Variants in OTUD7B observed in about 807,000 individuals in gnomAD.
The protein encoded by OTUD7B is OTU deubiquitinase 7B.
OTUD7B carries 34 observed loss-of-function variants against 82.2 expected under a neutral mutation model. That is an observed-to-expected ratio of 0.41 (90% confidence interval 0.31 to 0.55). The LOEUF is 0.55. Among genes scored for constraint, OTUD7B ranks in the 20% least tolerant of loss-of-function variants. The pLI, the probability that OTUD7B is intolerant of heterozygous loss-of-function variation, is 0.20. For synonymous variants in OTUD7B, 398 were observed against 402.7 expected (o/e 0.99, Z 0.14); for missense variants, 944 against 1,062.1 (o/e 0.89, Z 1.55).
intron 9 of OTUD7B, 40 bp downstream of exon 9, chr1:149,949,589 A>C: frequency 1.3e-6 from 2 of 1,594,514 alleles, no homozygotes; most frequent in Non-Finnish European, 1.7e-6. Flanking sequence ...AATTTTTTCA[A>C]GTGAAAATAA....
the OTUD7B span, among the ~76,000 whole-genome samples, chr1:150,024,294 AAGGTAAC>A: frequency 6.6e-6 from 1 of 152,190 alleles, no homozygotes; most frequent in Non-Finnish European, 1.5e-5. Flanking sequence ...TAATAATGTC[AAGGTAAC>A]AGTTTTTCTG....
rs1553776916 is a variant in OTUD7B at position 149,967,533 on chromosome 1, A to G, written c.275-12T>C. On this transcript the variant is annotated splice_polypyrimidine_tract_variant and intron_variant, in intron 3 of 11. Coordinates refer to ENST00000581312, the MANE Select transcript of OTUD7B (RefSeq NM_020205.4). Reference sequence around the variant, plus strand: ...AGACAGGCGTTTTTCTGCAATGAGAAATGGAGTCACCTTAGAACATACACA... The same window carrying G: ...AGACAGGCGTTTTTCTGCAATGAGAGATGGAGTCACCTTAGAACATACACA... 1 of 1,579,546 alleles carries G rather than the reference A, an allele frequency of 6.3e-7. No individual in the cohort carries two copies. The highest frequency in any genetic ancestry group is 2.2e-5 in the East Asian group (1 of 44,618).
At chr1:150,027,900 C>T in the OTUD7B span, among the ~76,000 whole-genome samples, 1 of 151,944 alleles carries the variant, frequency 6.6e-6, no homozygotes, top group East Asian at 1.9e-4. Flanking sequence ...ATTAATTAGT[C>T]AAGACCATAT....
the OTUD7B span, among the ~76,000 whole-genome samples, chr1:150,056,674 C>T: frequency 2.6e-5 from 4 of 152,110 alleles, no homozygotes; most frequent in Non-Finnish European, 5.9e-5. Flanking sequence ...CACTCTTAAC[C>T]TCTATATTAT....
chr1:150,042,133 CCCT>C, the OTUD7B span, among the ~76,000 whole-genome samples: 4 of 91,826 alleles, frequency 4.4e-5, no homozygotes, highest in African/African-American at 1.7e-4. Flanking sequence ...CTCCCTCCCT[CCCT>C]CCCTCCCTTC....
chr1:149,953,542 G>T (rs1350846760), intron 7 of OTUD7B, among the ~76,000 whole-genome samples: 1 of 152,066 alleles, frequency 6.6e-6, no homozygotes, highest in Non-Finnish European at 1.5e-5. Flanking sequence ...CTCTTTTTTG[G>T]TTCCATATGG....
At chr1:150,024,313 C>T in the OTUD7B span, among the ~76,000 whole-genome samples, 1 of 152,102 alleles carries the variant, frequency 6.6e-6, no homozygotes. Flanking sequence ...GTTTTTCTGG[C>T]AGGAGCTTGT....
At chr1:150,058,245 C>T in the OTUD7B span, among the ~76,000 whole-genome samples, 1 of 152,142 alleles carries the variant, frequency 6.6e-6, no homozygotes, top group African/African-American at 2.4e-5. Context: ...TAGGCTGGTG[C>T]CTTTAATCCC....
chr1:150,002,173 T>C (rs1414968144), intron 1 of OTUD7B, among the ~76,000 whole-genome samples: 2 of 151,058 alleles, frequency 1.3e-5, no homozygotes, highest in South Asian at 2.1e-4. Flanking sequence ...GTTTGGGTTT[T>C]TTCCCTGAAC....
chr1:150,059,751 G>A, the OTUD7B span, among the ~76,000 whole-genome samples: 3 of 152,070 alleles, frequency 2.0e-5, no homozygotes, highest in African/African-American at 7.2e-5. Flanking sequence ...CGGCTACTCT[G>A]GGCACACTGC....
chr1:149,944,978 ACTCCTTGTCTGAGT>A lies in OTUD7B; in HGVS notation c.1397_1410del (p.Asp466ValfsTer34). 3.7e-6 allele frequency: 6 copies of A among 1,613,206 alleles called. No individual in the cohort carries two copies. The highest frequency in any genetic ancestry group is 5.1e-6 in the Non-Finnish European group (6 of 1,179,784). ...TTGCTGGTGGAACTGCTGCCAACTGACTCCTTGTCTGAGTCTCCAGACTCAGGAGTGGACCGGGG... is the reference window on the plus strand; with the variant it reads ...TTGCTGGTGGAACTGCTGCCAACTGACTCCAGACTCAGGAGTGGACCGGGG... On this transcript the variant is annotated frameshift_variant, in exon 12 of 12. Coordinates refer to ENST00000581312, the MANE Select transcript of OTUD7B (RefSeq NM_020205.4). LOFTEE classifies it high-confidence loss of function.
At position 149,950,917 on chromosome 1, in the gene OTUD7B, G is replaced by A. The variant is rs142612422; in HGVS notation, c.846-696C>T. 8.7e-3 allele frequency among the ~76,000 whole-genome samples: 1,269 copies of A among 145,428 alleles called. 16 individuals carry two copies. Among genetic ancestry groups the A allele is most frequent in the African/African-American group, 0.031 (1,199 of 39,298 alleles). ...CGCCATTCTCCTGCCTCAGCCTCCC[G>A]AGTAGCCGGGACTACAGGCACCCGC... On this transcript the variant is annotated intron_variant, in intron 7 of 11. Transcript: ENST00000581312.
chr1:150,003,031 G>T (rs912438819), intron 1 of OTUD7B, among the ~76,000 whole-genome samples: 4 of 151,900 alleles, frequency 2.6e-5, no homozygotes, highest in African/African-American at 9.7e-5. Flanking sequence ...CGGGCGGATC[G>T]CGAGGTCAGG....
chr1:150,003,691 T>C (rs1291264186), intron 1 of OTUD7B, among the ~76,000 whole-genome samples: 2 of 152,212 alleles, frequency 1.3e-5, no homozygotes, highest in African/African-American at 4.8e-5. Context: ...AGGATGGTGT[T>C]TACAAGATAG....
chr1:150,038,678 C>T, the OTUD7B span, among the ~76,000 whole-genome samples: 3 of 152,172 alleles, frequency 2.0e-5, no homozygotes, highest in Admixed American at 1.3e-4. Flanking sequence ...TGAGCCACCT[C>T]GCCCAGCCTA....
At chr1:149,968,133 G>A (rs1649642346) in intron 3 of OTUD7B, among the ~76,000 whole-genome samples, 1 of 151,784 alleles carries the variant, frequency 6.6e-6, no homozygotes, top group Admixed American at 6.6e-5. Flanking sequence ...GCATGGTGGT[G>A]TGCCCCTATA....
chr1:149,960,451 C>T lies in OTUD7B; in HGVS notation c.733-655G>A, dbSNP rs587685467. Among the ~76,000 whole-genome samples, 5 of 128,524 alleles carry T rather than the reference C, an allele frequency of 3.9e-5. No individual in the cohort carries two copies. The East Asian group carries it at 1.3e-3, about 33-fold the overall frequency. 84.3% of individuals were successfully genotyped at this position (128,524 alleles called of 152,430 possible). ...CCAGGCTGGAGTGCAATGGCACAAT[C>T]TCGGCTCACTGCAAACTTCACCTCC... On this transcript the variant is annotated intron_variant, in intron 6 of 11. Transcript: ENST00000581312.
At chr1:150,054,849 C>T in the OTUD7B span, 1 of 171,394 alleles carries the variant, frequency 5.8e-6, no homozygotes, top group African/African-American at 2.6e-5. Flanking sequence ...GAAGCCCAGA[C>T]ACCAGGAACG....
At chr1:149,945,128 G>A in intron 11 of OTUD7B, 63 bp from the exon 12 acceptor site, 1 of 1,554,386 alleles carries the variant, frequency 6.4e-7, no homozygotes, top group Admixed American at 1.9e-5. Flanking sequence ...GAATCCCCCA[G>A]GGACCTCTAG....
Sources: allele counts gnomAD v4.1 joint callset (sites outside exome capture counted in the v4.1 genomes callset), GRCh38; gene constraint gnomAD v4.1.1; transcripts MANE v1.5; gene names NCBI Gene and HGNC (gene_info 2026-07-23, HGNC 2026-07-21).